Variants in CATSPERE observed in about 807,000 individuals in gnomAD.
CATSPERE encodes the protein cation channel sperm-associated auxiliary subunit epsilon.
CATSPERE carries 93 observed loss-of-function variants against 114.1 expected under a neutral mutation model. That is an observed-to-expected ratio of 0.81 (90% CI 0.69 to 0.97). CATSPERE has a LOEUF of 0.97. Among genes scored for constraint, CATSPERE ranks in the 50% least tolerant of loss-of-function variants. The pLI is 0.00. For missense variants in CATSPERE, 1,058 were observed against 1,131.6 expected, an observed-to-expected ratio of 0.93 and a Z score of 0.93; for synonymous variants, 341 against 384.1, an observed-to-expected ratio of 0.89 and a Z score of 1.31.
chr1:244,560,684 G>A lies in CATSPERE; in HGVS notation c.1046G>A (p.Ser349Asn), dbSNP rs201953140. The change falls in exon 10 of 22, where the codon AGC becomes AAC. Residue 349 changes from serine to asparagine, a missense_variant. By Grantham distance (46) the Ser-to-Asn change is conservative. Around this residue, in one of 2 missense-constraint regions of CATSPERE, gnomAD observed 787 missense variants for 905.6 expected, o/e 0.87. Transcript: ENST00000366534. ...TTGTCACAGGCTAAAGGAAGAAGAA[G>A]CACCTTTGCAGTCTGGACAGAAAAT... is the stretch of plus-strand genomic sequence containing the variant. The part of the protein sequence containing the change: ...NYLLKAKGRR[S>N]TFAVWTENEI... The A allele has an allele frequency of 1.6e-5, 26 of 1,590,652 alleles. No individual in the cohort carries two copies. The East Asian group carries it at 5.0e-4, about 30-fold the overall frequency.
chr1:244,631,456 G>C (rs536089683), intron 20 of CATSPERE, among the ~76,000 whole-genome samples: 1 of 152,160 alleles, frequency 6.6e-6, no homozygotes, highest in East Asian at 1.9e-4. Context: ...TTGAAAAGCT[G>C]GACTTCATTA....
chr1:244,543,098 A>G (rs927970274), intron 8 of CATSPERE, among the ~76,000 whole-genome samples: 1 of 152,164 alleles, frequency 6.6e-6, no homozygotes, highest in Admixed American at 6.5e-5. Context: ...GCAATCCACT[A>G]CAGCTACCAG....
rs113685957 is a variant in CATSPERE at position 244,606,218 on chromosome 1, C to T, written c.2403+424C>T. 1.9e-3 allele frequency among the ~76,000 whole-genome samples: 293 copies of T among 152,280 alleles called. 3 individuals are homozygous for T. The highest frequency in any genetic ancestry group is 6.2e-3 in the African/African-American group (258 of 41,548). ...TGGCTTCAGTGTCCCTACACTCTCC[C>T]GGCTTCCTTCCACCCGCCAGGACTG... On this transcript the variant is annotated intron_variant, in intron 18 of 21. Coordinates refer to ENST00000366534, the MANE Select transcript of CATSPERE (RefSeq NM_001130957.2).
chr1:244,640,176 T>A lies in CATSPERE; in HGVS notation c.*95T>A. 1.0e-6 allele frequency: 1 copy of A among 982,222 alleles called. No homozygotes were observed. Among genetic ancestry groups the A allele is most frequent in the Non-Finnish European group, 1.4e-6 (1 of 701,674 alleles). The allele number at this position is 982,222 out of a possible 1,614,324, so 60.8% of individuals were successfully genotyped here. A position where few individuals can be genotyped will look rare whatever the true frequency, so the allele number is the denominator to read the frequency against. ...GAGTGTGTGTTTGACCAAGAAATAC[T>A]AAATATAAGCTCGTAGTAGGCATCA... On this transcript the variant is annotated 3_prime_UTR_variant, in exon 22 of 22. Transcript: ENST00000366534.
intron 5 of CATSPERE, among the ~76,000 whole-genome samples, chr1:244,488,212 C>T (rs1313944405): frequency 6.6e-6 from 1 of 152,224 alleles, no homozygotes; most frequent in African/African-American, 2.4e-5. Context: ...GGCAAAGTCA[C>T]TGAAGGTAAT....
Position 244,461,353 on chromosome 1 carries a change from G to C in CATSPERE, c.-77G>C, listed in dbSNP as rs1199161845. ...ACCCAGGCGCCTGCAGCCGCCCGCC[G>C]GGCCGACGTCCCACGGGAATGCGCG... On this transcript the variant is annotated 5_prime_UTR_variant, in exon 1 of 22. Transcript: ENST00000366534. 3.2e-6 allele frequency: 4 copies of C among 1,244,002 alleles called. No homozygotes were observed. In the African/African-American group the frequency reaches 4.7e-5, roughly 15 times the overall value. The allele number at this position is 1,244,002 out of a possible 1,614,324, so 77.1% of individuals were successfully genotyped here.
chr1:244,491,272 G>T (rs1018219660), intron 6 of CATSPERE, among the ~76,000 whole-genome samples: 1 of 152,134 alleles, frequency 6.6e-6, no homozygotes, highest in Non-Finnish European at 1.5e-5. Flanking sequence ...AATCAAACTA[G>T]AACTCAGGAC....
chr1:244,605,127 C>T (rs1266594046), intron 17 of CATSPERE, among the ~76,000 whole-genome samples: 2 of 152,126 alleles, frequency 1.3e-5, no homozygotes, highest in African/African-American at 4.8e-5. Flanking sequence ...CTGGTTCCTC[C>T]TAGGGGGATC....
intron 16 of CATSPERE, 35 bp from the exon 17 acceptor site, chr1:244,593,464 T>C: frequency 6.2e-7 from 1 of 1,613,516 alleles, no homozygotes; most frequent in Non-Finnish European, 8.5e-7. Flanking sequence ...ATGGACCAAA[T>C]ATATAAAATC....
At chr1:244,583,810 T>C (rs1429717985) in intron 12 of CATSPERE, 54 bp from the exon 13 acceptor site, 11 of 1,507,234 alleles carry the variant, frequency 7.3e-6, no homozygotes, top group Non-Finnish European at 9.2e-6. Context: ...AGAAAGACAG[T>C]GTCATGCCTG....
At chr1:244,486,211 TG>T (rs1344159211) in intron 5 of CATSPERE, among the ~76,000 whole-genome samples, 1 of 152,260 alleles carries the variant, frequency 6.6e-6, no homozygotes, top group Non-Finnish European at 1.5e-5. Context: ...CCTGTCATGG[TG>T]TTTTTTATTT....
chr1:244,585,659 C>G (rs1035997646), intron 13 of CATSPERE, among the ~76,000 whole-genome samples: 1 of 152,194 alleles, frequency 6.6e-6, no homozygotes, highest in African/African-American at 2.4e-5. Flanking sequence ...AGACACAGAA[C>G]CATGGCCTAC....
intron 11 of CATSPERE, among the ~76,000 whole-genome samples, chr1:244,580,891 C>T (rs2148609028): frequency 6.6e-6 from 1 of 152,148 alleles, no homozygotes; most frequent in Admixed American, 6.6e-5. Context: ...ATCCCAGCTA[C>T]TCGGGAGGCT....
chr1:244,631,662 C>T lies in CATSPERE; in HGVS notation c.2649-3827C>T, dbSNP rs182869211. ...CAAAAGATCTGAACAGACACCTCTC[C>T]AGAGAAGATAAATGAATGACAAAAA... On this transcript the variant is annotated intron_variant, in intron 20 of 21. Coordinates refer to ENST00000366534, the MANE Select transcript of CATSPERE (RefSeq NM_001130957.2). Among the ~76,000 whole-genome samples, 27 of 152,246 alleles carry T rather than the reference C, an allele frequency of 1.8e-4. No individual in the cohort carries two copies. In the East Asian group the frequency reaches 5.0e-3, roughly 28 times the overall value.
Position 244,633,593 on chromosome 1 carries a change from C to T in CATSPERE, c.2649-1896C>T, listed in dbSNP as rs1370168728. ...TTCCTAAGCCTTTCATTAAAGCCCT[C>T]TGGAGGACACATGTGCAGGCATGAG... is the stretch of plus-strand genomic sequence containing the variant. On this transcript the variant is annotated intron_variant, in intron 20 of 21. Transcript: ENST00000366534. This position sits in a 1 kb window ranked among gnomAD's most constrained non-coding sequence, Gnocchi z 4.1. Among the ~76,000 whole-genome samples the T allele has an allele frequency of 6.6e-6, 1 of 152,126 alleles. No homozygotes were observed. The highest frequency in any genetic ancestry group is 6.6e-5 in the Admixed American group (1 of 15,266).
intron 5 of CATSPERE, among the ~76,000 whole-genome samples, chr1:244,484,815 G>A (rs1466141488): frequency 6.6e-6 from 1 of 152,012 alleles, no homozygotes; most frequent in East Asian, 1.9e-4. Flanking sequence ...GGTTCCTTTA[G>A]GGAAGATTTC....
At chr1:244,509,403 A>G (rs2148322441) in intron 7 of CATSPERE, among the ~76,000 whole-genome samples, 1 of 152,058 alleles carries the variant, frequency 6.6e-6, no homozygotes, top group East Asian at 1.9e-4. Flanking sequence ...ATGTTGAACC[A>G]CCCTTGTATC....
chr1:244,487,009 T>C (rs1671176467), intron 5 of CATSPERE, among the ~76,000 whole-genome samples: 1 of 150,944 alleles, frequency 6.6e-6, no homozygotes, highest in South Asian at 2.1e-4. Context: ...TGGTGGGTGG[T>C]TCAGCATGTG....
intron 8 of CATSPERE, among the ~76,000 whole-genome samples, chr1:244,533,702 A>G (rs186847267): frequency 2.0e-3 from 311 of 152,096 alleles, no homozygotes; most frequent in African/African-American, 7.2e-3. Flanking sequence ...TCCTATTTAC[A>G]TCTTATTGTA....
Sources: gnomAD v4.1 joint callset for allele counts (sites outside exome capture counted in the v4.1 genomes callset) on GRCh38, gnomAD v4.1.1 for gene constraint, gnomAD v4.1.1 regional missense constraint, Gnocchi (gnomAD v3.1) non-coding constraint, MANE v1.5 for transcripts, NCBI Gene and HGNC (gene_info 2026-07-23, HGNC 2026-07-21) for gene names.